The following MEF2C variants were observed in gnomAD, a reference collection of about 807,000 sequenced individuals.
MEF2C encodes myocyte-specific enhancer factor 2C.
In MEF2C, 6 loss-of-function variants were observed where a neutral mutation model predicts 50.5. The observed-to-expected ratio is 0.12, with a 90% CI of 0.07 to 0.23. MEF2C has a LOEUF of 0.23. MEF2C is among the 10% of genes least tolerant of loss of function. The pLI, the probability that MEF2C is intolerant of heterozygous loss-of-function variation, is 1.00. For synonymous variants in MEF2C, 183 were observed against 228.0 expected, an observed-to-expected ratio of 0.80 and a Z score of 1.78; for missense variants, 276 against 605.0, an observed-to-expected ratio of 0.46 and a Z score of 5.70.
intron 1 of MEF2C, among the ~76,000 whole-genome samples, chr5:88,868,975 G>A (rs1249722342): frequency 6.6e-6 from 1 of 151,726 alleles, no homozygotes; most frequent in Admixed American, 6.6e-5. Flanking sequence ...ATAAAACAAG[G>A]ATTCCTTTTT....
chr5:88,788,305 A>G (rs928873393), intron 3 of MEF2C, among the ~76,000 whole-genome samples: 12 of 151,986 alleles, frequency 7.9e-5, no homozygotes, highest in African/African-American at 2.7e-4. Context: ...GGCTCAAGCA[A>G]TTCTCCTGCT....
chr5:88,807,388 C>G (rs1455851557), intron 2 of MEF2C, among the ~76,000 whole-genome samples: 1 of 152,058 alleles, frequency 6.6e-6, no homozygotes, highest in Non-Finnish European at 1.5e-5. Flanking sequence ...CATGTTCTGG[C>G]TTTATCTTTG....
At chr5:88,884,899 G>T (rs546344234), upstream of MEF2C, among the ~76,000 whole-genome samples, 4 of 151,034 alleles carry the variant, frequency 2.6e-5, no homozygotes, top group South Asian at 8.4e-4. Context: ...TAAAGCCAAA[G>T]ATAAAATACA....
In MEF2C at chr5:88,803,846, A is replaced by C. The variant is rs1016805372; in HGVS notation, c.258+752T>G. Among the ~76,000 whole-genome samples, 3 of 152,194 alleles carry C rather than the reference A, an allele frequency of 2.0e-5. No homozygotes were observed. In the East Asian group the frequency reaches 5.8e-4, roughly 29 times the overall value. Reference sequence around the variant, plus strand: ...AATGGGAAAAAAAATGTTCCAGCCAAAACTGTATGGTATGTTACTTATGCT... The same window carrying C: ...AATGGGAAAAAAAATGTTCCAGCCACAACTGTATGGTATGTTACTTATGCT... On this transcript the variant is annotated intron_variant, in intron 3 of 10. Transcript: ENST00000504921.
chr5:88,827,744 T>G (rs995948037), intron 1 of MEF2C, among the ~76,000 whole-genome samples: 3 of 151,882 alleles, frequency 2.0e-5, no homozygotes, highest in Admixed American at 2.0e-4. Flanking sequence ...ACACAGTTAA[T>G]GCAGTCATAT....
intron 2 of MEF2C, among the ~76,000 whole-genome samples, chr5:88,809,343 TA>T (rs1470590589): frequency 2.0e-5 from 3 of 152,140 alleles, no homozygotes; most frequent in Non-Finnish European, 4.4e-5. Flanking sequence ...ACAAAAAATA[TA>T]AAAATAATTT....
At chr5:88,734,560 AGTTTGTTTTTTTTTTT>A in intron 6 of MEF2C, 5 of 535,542 alleles carry the variant, frequency 9.3e-6, no homozygotes, top group Non-Finnish European at 1.1e-5. Context: ...CCTTGAGAAA[AGTTTGTTTTTTTTTTT>A]TTTTTTTTTT....
intron 1 of MEF2C, among the ~76,000 whole-genome samples, chr5:88,824,625 G>A (rs1810022555): frequency 6.6e-6 from 1 of 151,796 alleles, no homozygotes; most frequent in Middle Eastern, 3.2e-3. Flanking sequence ...AAAAAGATAA[G>A]CATTGACACA....
intron 3 of MEF2C, among the ~76,000 whole-genome samples, chr5:88,780,590 T>G (rs564431737): frequency 6.6e-6 from 1 of 152,198 alleles, no homozygotes; most frequent in Admixed American, 6.5e-5. Context: ...TCCAAGAGTA[T>G]GTATCCTCAC....
intron 1 of MEF2C, chr5:88,844,623 T>C (rs1284655319): frequency 8.7e-6 from 7 of 800,014 alleles, no homozygotes; most frequent in African/African-American, 1.9e-5. Context: ...ACACCAAAAA[T>C]ACTAAGTAAA....
intron 10 of MEF2C, among the ~76,000 whole-genome samples, chr5:88,725,425 A>G (rs1758252282): frequency 6.6e-6 from 1 of 152,094 alleles, no homozygotes; most frequent in Non-Finnish European, 1.5e-5. Flanking sequence ...TCTTGAAAAG[A>G]AAAAAGTAGC....
chr5:88,738,819 A>G, intron 6 of MEF2C: 1 of 985,274 alleles, frequency 1.0e-6, no homozygotes, highest in Non-Finnish European at 1.2e-6. Flanking sequence ...AAGACACTGA[A>G]TTCTCATAAA....
At chr5:88,884,150 C>T (rs1365961314), upstream of MEF2C, among the ~76,000 whole-genome samples, 1 of 152,220 alleles carries the variant, frequency 6.6e-6, no homozygotes, top group Non-Finnish European at 1.5e-5. Context: ...GCGGCGCGCT[C>T]GCTTGCTCTC....
chr5:88,874,518 G>A (rs568011481), intron 1 of MEF2C, among the ~76,000 whole-genome samples: 15 of 151,992 alleles, frequency 9.9e-5, no homozygotes, highest in Admixed American at 8.5e-4. Flanking sequence ...AATGGGTCTT[G>A]AAAAAGTGCC....
At chr5:88,816,465 C>CTTT (rs70996497) in intron 2 of MEF2C, among the ~76,000 whole-genome samples, 36 of 86,104 alleles carry the variant, frequency 4.2e-4, no homozygotes, top group East Asian at 7.6e-4. Flanking sequence ...CTGCCTACTG[C>CTTT]TTTTTTTTTT....
intron 6 of MEF2C, chr5:88,744,109 A>T (rs1768187424): frequency 7.1e-6 from 7 of 985,058 alleles, no homozygotes; most frequent in Non-Finnish European, 8.4e-6. Context: ...CAATCGTATT[A>T]TCAAAGTGAA....
At chr5:88,768,141 A>T (rs193134590) in intron 3 of MEF2C, among the ~76,000 whole-genome samples, 11 of 152,232 alleles carry the variant, frequency 7.2e-5, no homozygotes, top group Admixed American at 6.5e-4. Context: ...TTTATTCTAC[A>T]CATTTTCCCA....
chr5:88,740,339 G>T, intron 6 of MEF2C: 1 of 985,170 alleles, frequency 1.0e-6, no homozygotes, highest in Non-Finnish European at 1.2e-6. Context: ...GCTCTGGATT[G>T]TGAGGGAGAG....
chr5:88,722,552 G>GCA lies in MEF2C; in HGVS notation c.*50_*51dup, dbSNP rs147708034. 1.1e-4 allele frequency: 161 copies of GCA among 1,442,638 alleles called. No individual in the cohort carries two copies. The highest frequency in any genetic ancestry group is 1.3e-4 in the Non-Finnish European group (141 of 1,057,586). 89.4% of individuals were successfully genotyped at this position (1,442,638 alleles called of 1,614,324 possible). A position where few individuals can be genotyped will look rare whatever the true frequency, so the allele number is the denominator to read the frequency against. ...GACCCCCCTTCCCCATTAAGGTATA[G>GCA]CACACACACACACTGCAAGAAAAAA... On this transcript the variant is annotated 3_prime_UTR_variant, in exon 11 of 11. Coordinates refer to ENST00000504921, the MANE Select transcript of MEF2C (RefSeq NM_002397.5).
Sources: allele counts gnomAD v4.1 joint callset (sites outside exome capture counted in the v4.1 genomes callset), GRCh38; gene constraint gnomAD v4.1.1; transcripts MANE v1.5; gene names NCBI Gene and HGNC (gene_info 2026-07-23, HGNC 2026-07-21).